The following PDSS2 variants were observed in gnomAD, a reference collection of about 807,000 sequenced individuals.
PDSS2 encodes all trans-polyprenyl-diphosphate synthase PDSS2.
PDSS2 carries 31 observed loss-of-function variants against 44.5 expected under a neutral mutation model. The ratio of observed to expected loss-of-function variants is 0.70; its 90% confidence interval spans 0.52 to 0.94. The LOEUF (loss-of-function observed/expected upper bound fraction) is 0.94. Ranked by LOEUF, PDSS2 falls within the 40% of genes least tolerant of loss-of-function variation. The pLI, the probability that PDSS2 is intolerant of heterozygous loss-of-function variation, is 0.00. For missense variants in PDSS2, 452 were observed against 482.2 expected, an observed-to-expected ratio of 0.94 and a Z score of 0.59; for synonymous variants, 157 against 180.3, an observed-to-expected ratio of 0.87 and a Z score of 1.03.
chr6:107,286,211 C>G (rs895987364), intron 2 of PDSS2, among the ~76,000 whole-genome samples: 5 of 146,712 alleles, frequency 3.4e-5, no homozygotes, highest in African/African-American at 1.0e-4. Context: ...AAGTTTAATA[C>G]TAAAATATAC....
In PDSS2 at chr6:107,155,813, C is replaced by T. The variant is rs7762884; in HGVS notation, c.1042-1036G>A. ...CAGGCTGGTCTGGATCTCTTGACCT[C>T]GTGATCCCCCTGCCTTAGCCTCCCA... On this transcript the variant is annotated intron_variant, in intron 7 of 7. Coordinates refer to ENST00000369037, the MANE Select transcript of PDSS2 (RefSeq NM_020381.4). 9.0e-4 allele frequency among the ~76,000 whole-genome samples: 132 copies of T among 146,362 alleles called. 2 individuals carry two copies. The highest frequency in any genetic ancestry group is 3.1e-3 in the African/African-American group (123 of 39,806).
chr6:107,427,223 G>A (rs1022364193), intron 1 of PDSS2, among the ~76,000 whole-genome samples: 3 of 152,092 alleles, frequency 2.0e-5, no homozygotes, highest in Admixed American at 1.3e-4. Context: ...TTTTAAAAAC[G>A]GGAGTTTACC....
chr6:107,229,600 C>T (rs1297796316), intron 4 of PDSS2, among the ~76,000 whole-genome samples: 2 of 152,160 alleles, frequency 1.3e-5, no homozygotes, highest in African/African-American at 4.8e-5. Context: ...TTCTAGTCGA[C>T]GTCCCCTGCC....
In PDSS2 at chr6:107,459,500, C is replaced by T. The variant is rs1224323840; in HGVS notation, c.-215G>A. ...AAACAACAGTCCCAGCTCAGCACTG[C>T]CCCCGGCCACCCGGGGTAGAAACCA... On this transcript the variant is annotated 5_prime_UTR_variant, in exon 1 of 8. Coordinates refer to ENST00000369037, the MANE Select transcript of PDSS2 (RefSeq NM_020381.4). This position sits in a 1 kb window ranked among gnomAD's most constrained non-coding sequence, Gnocchi z 4.3. 2.2e-5 allele frequency: 13 copies of T among 578,442 alleles called. No homozygotes were observed. The highest frequency in any genetic ancestry group is 4.6e-4 in the Middle Eastern group (1 of 2,182). 35.8% of individuals were successfully genotyped at this position (578,442 alleles called of 1,614,324 possible). A position where few individuals can be genotyped will look rare whatever the true frequency, so the allele number is the denominator to read the frequency against.
At chr6:107,412,059 TG>T (rs533061274) in intron 1 of PDSS2, among the ~76,000 whole-genome samples, 177 of 150,334 alleles carry the variant, frequency 1.2e-3, no homozygotes, top group African/African-American at 4.1e-3. Context: ...CTAATTTTTT[TG>T]TATTTTTAGT....
intron 3 of PDSS2, among the ~76,000 whole-genome samples, chr6:107,270,834 T>G (rs1044644866): frequency 2.0e-5 from 3 of 152,122 alleles, no homozygotes; most frequent in Admixed American, 6.6e-5. Flanking sequence ...CATGAATGAA[T>G]GGAAAGAAAA....
chr6:107,367,637 T>A (rs1200110687), intron 1 of PDSS2, among the ~76,000 whole-genome samples: 2 of 151,762 alleles, frequency 1.3e-5, no homozygotes, highest in Non-Finnish European at 2.9e-5. Flanking sequence ...TACAAAAAAA[T>A]TAGCCAGGTG....
At chr6:107,295,986 C>T (rs1776496343) in intron 2 of PDSS2, among the ~76,000 whole-genome samples, 1 of 152,128 alleles carries the variant, frequency 6.6e-6, no homozygotes, top group South Asian at 2.1e-4. Context: ...ATGTGAATTG[C>T]TTTTGTCAAT....
chr6:107,456,260 G>T (rs940136027), intron 1 of PDSS2, among the ~76,000 whole-genome samples: 7 of 152,118 alleles, frequency 4.6e-5, no homozygotes, highest in Non-Finnish European at 1.5e-5. Flanking sequence ...GGTGGAAGCT[G>T]CAGTGAGCCG....
chr6:107,314,198 C>G (rs1777133303), intron 2 of PDSS2, among the ~76,000 whole-genome samples: 1 of 151,900 alleles, frequency 6.6e-6, no homozygotes, highest in Non-Finnish European at 1.5e-5. Context: ...ATTGTCAATT[C>G]TTTGCCAATG....
chr6:107,293,823 T>C (rs1776423331), intron 2 of PDSS2, among the ~76,000 whole-genome samples: 2 of 152,142 alleles, frequency 1.3e-5, no homozygotes, highest in African/African-American at 2.4e-5. Flanking sequence ...GAAGAAAAGA[T>C]GTGTGATAGC....
chr6:107,282,581 T>G (rs1225353387), intron 2 of PDSS2, among the ~76,000 whole-genome samples: 2 of 151,444 alleles, frequency 1.3e-5, no homozygotes, highest in Non-Finnish European at 2.9e-5. Flanking sequence ...AATTATTTTT[T>G]GGGGCCGGGC....
intron 2 of PDSS2, among the ~76,000 whole-genome samples, chr6:107,311,008 C>T (rs1777027660): frequency 6.6e-6 from 1 of 151,482 alleles, no homozygotes; most frequent in South Asian, 2.1e-4. Context: ...ACCTCCGCCT[C>T]CTGGGTTCAA....
intron 7 of PDSS2, among the ~76,000 whole-genome samples, chr6:107,193,432 C>T (rs895023134): frequency 7.9e-5 from 12 of 152,190 alleles, no homozygotes; most frequent in African/African-American, 2.9e-4. Context: ...TCCATCCACA[C>T]CCCATAGCAT....
At chr6:107,390,856 G>A (rs190151085) in intron 1 of PDSS2, among the ~76,000 whole-genome samples, 5 of 152,228 alleles carry the variant, frequency 3.3e-5, no homozygotes, top group Admixed American at 3.3e-4. Flanking sequence ...TATGACCCAA[G>A]TCTACTTTTG....
chr6:107,269,340 CTGTG>C (rs58803876), intron 3 of PDSS2, among the ~76,000 whole-genome samples: 27,661 of 143,102 alleles, frequency 0.19, 2,820 homozygotes, highest in African/African-American at 0.26. Flanking sequence ...TTTCGTGTGT[CTGTG>C]TGTGTGTGTG....
intron 7 of PDSS2, among the ~76,000 whole-genome samples, chr6:107,188,579 G>A (rs1329616258): frequency 6.6e-6 from 1 of 152,046 alleles, no homozygotes; most frequent in African/African-American, 2.4e-5. Context: ...TGGTTTGGAT[G>A]TTTTATCCCC....
chr6:107,403,932 A>C (rs950022596), intron 1 of PDSS2, among the ~76,000 whole-genome samples: 1 of 152,130 alleles, frequency 6.6e-6, no homozygotes, highest in Non-Finnish European at 1.5e-5. Flanking sequence ...TTGGCTTCTC[A>C]TTACTTATCC....
At chr6:107,268,243 AT>A (rs2114916338) in intron 3 of PDSS2, among the ~76,000 whole-genome samples, 1 of 152,314 alleles carries the variant, frequency 6.6e-6, no homozygotes, top group African/African-American at 2.4e-5. Flanking sequence ...CATATAACTT[AT>A]GAGAAATGTC....
Sources: gnomAD v4.1 joint callset for allele counts (sites outside exome capture counted in the v4.1 genomes callset) on GRCh38, gnomAD v4.1.1 for gene constraint, Gnocchi (gnomAD v3.1) non-coding constraint, MANE v1.5 for transcripts, NCBI Gene and HGNC (gene_info 2026-07-23, HGNC 2026-07-21) for gene names.